ESCO1: variants seen among roughly 807,000 people sequenced by gnomAD.
ESCO1 encodes N-acetyltransferase ESCO1.
A neutral mutation model predicts 83.5 loss-of-function variants in ESCO1; 33 were observed. The ratio of observed to expected loss-of-function variants is 0.40; its 90% CI spans 0.30 to 0.53. The LOEUF (loss-of-function observed/expected upper bound fraction) is 0.53. ESCO1 is among the 20% of genes least tolerant of loss of function. The probability of loss-of-function intolerance (pLI) is 0.63; values close to 1 mark genes in which losing one functional copy is unlikely to be tolerated. For missense variants in ESCO1, 855 were observed against 968.0 expected (o/e 0.88, Z 1.55); for synonymous variants, 332 against 324.3 (o/e 1.02, Z -0.25).
chr18:21,588,351 A>G (rs917746049), intron 1 of ESCO1, among the ~76,000 whole-genome samples: 5 of 152,134 alleles, frequency 3.3e-5, no homozygotes, highest in Middle Eastern at 3.4e-3. Context: ...CACATGGGGG[A>G]AAAATGAAAT....
At chr18:21,545,210 C>T (rs1221580990) in intron 8 of ESCO1, among the ~76,000 whole-genome samples, 1 of 152,164 alleles carries the variant, frequency 6.6e-6, no homozygotes, top group African/African-American at 2.4e-5. Context: ...ATTGGGATTA[C>T]AGATGTGAGA....
chr18:21,574,983 C>T lies in ESCO1; in HGVS notation c.-140G>A, dbSNP rs2038400707. 3 of 602,226 alleles carry T rather than the reference C, an allele frequency of 5.0e-6. No individual in the cohort carries two copies. Among genetic ancestry groups the T allele is most frequent in the Non-Finnish European group, 5.4e-6 (2 of 367,634 alleles). The allele number at this position is 602,226 out of a possible 1,614,324, so 37.3% of individuals were successfully genotyped here. A position where few individuals can be genotyped will look rare whatever the true frequency, so the allele number is the denominator to read the frequency against. On this transcript the variant is annotated 5_prime_UTR_variant, in exon 4 of 12. Coordinates refer to ENST00000269214, the MANE Select transcript of ESCO1 (RefSeq NM_052911.3). ...TTTAACTGATGCTGATATACATTTT[C>T]AACAAAAATACTAGTTTGCTTCAAG... is the stretch of plus-strand genomic sequence containing the variant.
At chr18:21,584,857 C>A (rs1419484883) in intron 1 of ESCO1, among the ~76,000 whole-genome samples, 2 of 151,980 alleles carry the variant, frequency 1.3e-5, no homozygotes, top group Non-Finnish European at 2.9e-5. Context: ...TGATTTTTCA[C>A]AATTATATGC....
At chr18:21,594,925 CTGTG>C (rs35336026) in intron 1 of ESCO1, among the ~76,000 whole-genome samples, 5,150 of 143,560 alleles carry the variant, frequency 0.036, 113 homozygotes, top group East Asian at 0.067. Context: ...TCTACAACTA[CTGTG>C]TGTGTGTGTG....
rs907577094 is a variant in ESCO1, at chr18:21,529,461, A to T, written c.*882T>A. 1 of 152,246 alleles carries T rather than the reference A, an allele frequency of 6.6e-6. No homozygotes were observed. The highest frequency in any genetic ancestry group is 1.9e-4 in the East Asian group (1 of 5,190). The allele number at this position is 152,246 out of a possible 1,614,324, so 9.4% of individuals were successfully genotyped here. A position where few individuals can be genotyped will look rare whatever the true frequency, so the allele number is the denominator to read the frequency against. On this transcript the variant is annotated 3_prime_UTR_variant, in exon 12 of 12. Transcript: ENST00000269214. Reference sequence around the variant, plus strand: ...ATGAAGTCCAGTAATGAGGGCATATACTCAGTGCAGTATTTCTGAGGAATA... The same window carrying T: ...ATGAAGTCCAGTAATGAGGGCATATTCTCAGTGCAGTATTTCTGAGGAATA...
chr18:21,585,525 A>T (rs755715271), intron 1 of ESCO1, among the ~76,000 whole-genome samples: 1 of 152,072 alleles, frequency 6.6e-6, no homozygotes, highest in Non-Finnish European at 1.5e-5. Context: ...ATTCTATCCC[A>T]TTGGTCTTTA....
intron 8 of ESCO1, among the ~76,000 whole-genome samples, chr18:21,550,383 T>G (rs2038030537): frequency 6.6e-6 from 1 of 152,218 alleles, no homozygotes; most frequent in Non-Finnish European, 1.5e-5. Flanking sequence ...ATATGAATAT[T>G]TCTCATAAGA....
intron 8 of ESCO1, among the ~76,000 whole-genome samples, chr18:21,541,642 T>C (rs2146175577): frequency 6.7e-6 from 1 of 148,436 alleles, no homozygotes; most frequent in African/African-American, 2.5e-5. Context: ...CATATAGAGA[T>C]CTGAATATAG....
At chr18:21,532,343 C>A in intron 11 of ESCO1, 130 bp downstream of exon 11, 3 of 977,812 alleles carry the variant, frequency 3.1e-6, no homozygotes, top group East Asian at 2.6e-5. Context: ...ACACTGATAA[C>A]CTCATGCAAA....
chr18:21,548,796 TG>T (rs1329676737), intron 8 of ESCO1, among the ~76,000 whole-genome samples: 1 of 151,930 alleles, frequency 6.6e-6, no homozygotes, highest in Admixed American at 6.6e-5. Flanking sequence ...AATAATCAGC[TG>T]GGCATGGTGA....
intron 7 of ESCO1, among the ~76,000 whole-genome samples, chr18:21,563,916 G>A (rs2038222971): frequency 2.4e-5 from 2 of 84,470 alleles, no homozygotes; most frequent in Admixed American, 1.0e-4. Flanking sequence ...GGGTGAGCAG[G>A]GTTAAAAAAA....
intron 8 of ESCO1, among the ~76,000 whole-genome samples, chr18:21,542,646 C>T (rs1350444438): frequency 6.6e-6 from 1 of 152,172 alleles, no homozygotes; most frequent in African/African-American, 2.4e-5. Context: ...ACTAATCTAA[C>T]AAAACAGTCA....
chr18:21,578,623 G>A (rs1341045346), intron 2 of ESCO1, among the ~76,000 whole-genome samples: 3 of 152,108 alleles, frequency 2.0e-5, no homozygotes, highest in Admixed American at 6.5e-5. Context: ...GGGAAGCTGA[G>A]GCAGGAGGAT....
intron 1 of ESCO1, among the ~76,000 whole-genome samples, chr18:21,588,908 A>C (rs1249769563): frequency 8.6e-5 from 13 of 152,020 alleles, no homozygotes; most frequent in African/African-American, 3.1e-4. Context: ...TAAATAAATA[A>C]ATAGGATACA....
At chr18:21,585,976 C>T (rs1384458000) in intron 1 of ESCO1, among the ~76,000 whole-genome samples, 3 of 152,090 alleles carry the variant, frequency 2.0e-5, no homozygotes, top group African/African-American at 2.4e-5. Context: ...CATACAACCA[C>T]GTAATAATCA....
intron 11 of ESCO1, 130 bp from the exon 12 acceptor site, chr18:21,530,620 A>T (rs1238920575): frequency 1.4e-6 from 1 of 708,656 alleles, no homozygotes; most frequent in African/African-American, 1.9e-5. Flanking sequence ...ATACTGCTGT[A>T]TGTGCTCAAA....
chr18:21,532,904 A>C (rs565629110), intron 10 of ESCO1, among the ~76,000 whole-genome samples: 1 of 152,274 alleles, frequency 6.6e-6, no homozygotes, highest in African/African-American at 2.4e-5. Context: ...CACTGGCGAT[A>C]TCCATCATCT....
At chr18:21,592,362 C>T (rs2038684885) in intron 1 of ESCO1, among the ~76,000 whole-genome samples, 1 of 100,630 alleles carries the variant, frequency 9.9e-6, no homozygotes, top group Non-Finnish European at 2.1e-5. Flanking sequence ...GACGAGGCGG[C>T]TGGCCGGGCG....
chr18:21,564,107 A>T, intron 7 of ESCO1, 96 bp downstream of exon 7: 1 of 829,432 alleles, frequency 1.2e-6, no homozygotes, highest in Non-Finnish European at 1.9e-6. Context: ...CTTTTCTATA[A>T]AAATTACCAA....
Sources: allele counts gnomAD v4.1 joint callset (sites outside exome capture counted in the v4.1 genomes callset), GRCh38; gene constraint gnomAD v4.1.1; transcripts MANE v1.5; gene names NCBI Gene and HGNC (gene_info 2026-07-23, HGNC 2026-07-21).